ANK2: variants seen among roughly 807,000 people sequenced by gnomAD.
ANK2 encodes the protein ankyrin-2.
A neutral mutation model predicts 360.5 loss-of-function variants in ANK2; 83 were observed. The ratio of observed to expected loss-of-function variants is 0.23; its 90% CI spans 0.19 to 0.28. The LOEUF (loss-of-function observed/expected upper bound fraction) is 0.28. Ranked by LOEUF, ANK2 falls within the 10% of genes least tolerant of loss-of-function variation. The pLI is 1.00. For missense variants in ANK2, 4,201 were observed against 4,795.7 expected (o/e 0.88, Z 3.66); for synonymous variants, 1,740 against 1,759.5 (o/e 0.99, Z 0.28).
intron 2 of ANK2, among the ~76,000 whole-genome samples, chr4:113,014,919 C>T (rs1014893362): frequency 8.1e-6 from 1 of 123,656 alleles, no homozygotes; most frequent in Non-Finnish European, 1.6e-5. Context: ...AGTGCAGTGG[C>T]GCGATCTCGG....
At chr4:112,735,336 T>TAAATA in the ANK2 span, among the ~76,000 whole-genome samples, 47,261 of 150,890 alleles carry the variant, frequency 0.31, 7,485 homozygotes, top group East Asian at 0.37. Flanking sequence ...GTTTCAAAAA[T>TAAATA]AAATAAAATA....
intron 1 of ANK2, among the ~76,000 whole-genome samples, chr4:112,838,594 C>A (rs1040032303): frequency 6.6e-6 from 1 of 152,162 alleles, no homozygotes; most frequent in African/African-American, 2.4e-5. Flanking sequence ...ATAGGCTGGG[C>A]GCATGGCTCA....
At chr4:113,250,762 C>CCCA (rs1554340300) in intron 10 of ANK2, among the ~76,000 whole-genome samples, 2 of 136,930 alleles carry the variant, frequency 1.5e-5, no homozygotes, top group South Asian at 5.5e-4. Context: ...ACCGCCCCCC[C>CCCA]CCCCGACAGA....
chr4:113,155,881 G>A (rs1291029482), intron 1 of ANK2, among the ~76,000 whole-genome samples: 1 of 152,102 alleles, frequency 6.6e-6, no homozygotes, highest in African/African-American at 2.4e-5. Context: ...CTTCAAAAAC[G>A]AAAAAGGCAA....
intron 1 of ANK2, among the ~76,000 whole-genome samples, chr4:113,068,982 G>C (rs1397876716): frequency 1.3e-5 from 2 of 152,144 alleles, no homozygotes; most frequent in Non-Finnish European, 2.9e-5. Context: ...AGGATTGCTT[G>C]AGCCTGGGAG....
chr4:113,141,215 C>T (rs1490857799), intron 1 of ANK2: 4 of 152,142 alleles, frequency 2.6e-5, no homozygotes, highest in African/African-American at 7.2e-5. Context: ...AAATGGTCCT[C>T]ACCTTGAAAA....
intron 24 of ANK2, among the ~76,000 whole-genome samples, chr4:113,315,101 G>A (rs1048204507): frequency 4.6e-5 from 7 of 151,622 alleles, no homozygotes; most frequent in Admixed American, 1.3e-4. Flanking sequence ...CTTTCCTGTT[G>A]GGGTTTTAGG....
At chr4:112,947,172 C>T (rs566192440) in intron 2 of ANK2, among the ~76,000 whole-genome samples, 1 of 152,126 alleles carries the variant, frequency 6.6e-6, no homozygotes, top group Non-Finnish European at 1.5e-5. Flanking sequence ...CCCCATTATT[C>T]TTAATGTTAT....
intron 15 of ANK2, 87 bp from the exon 16 acceptor site, chr4:113,277,750 C>A (rs1259044085): frequency 4.8e-6 from 5 of 1,047,062 alleles, no homozygotes; most frequent in Non-Finnish European, 7.4e-6. Flanking sequence ...AATCAGTATA[C>A]TTTGCTCAAT....
chr4:112,799,293 C>T, the ANK2 span, among the ~76,000 whole-genome samples: 1 of 152,098 alleles, frequency 6.6e-6, no homozygotes, highest in African/African-American at 2.4e-5. Context: ...GGTACACAGA[C>T]ACCTGTTCGA....
intron 1 of ANK2, among the ~76,000 whole-genome samples, chr4:113,100,552 G>A (rs1004620959): frequency 6.6e-6 from 1 of 152,124 alleles, no homozygotes; most frequent in African/African-American, 2.4e-5. Context: ...ACAGCCACTT[G>A]GGAAATCAAC....
rs774268252 is a variant in ANK2 at position 113,356,995 on chromosome 4, C to T, written c.8377C>T (p.Leu2793=). ...SSSAAPVSSG[L]QSPTGDDVDE... is the part of the protein sequence containing the mutation. ...CTCAGCTGCTCCTGTCTCTTCAGGT[C>T]TACAGAGTCCGACTGGTGATGATGT... The change falls in exon 38 of 46, where the codon CTA becomes TTA. Residue 2793 remains leucine (L), a synonymous_variant. Transcript: ENST00000357077. 1.2e-6 allele frequency: 2 copies of T among 1,614,006 alleles called. No individual in the cohort carries two copies. The highest frequency in any genetic ancestry group is 1.1e-5 in the South Asian group (1 of 91,082).
chr4:113,269,131 C>T (rs919249653), intron 14 of ANK2, among the ~76,000 whole-genome samples: 1 of 152,182 alleles, frequency 6.6e-6, no homozygotes, highest in Admixed American at 6.5e-5. Context: ...CCCCCTACCA[C>T]GCTGGAGCCT....
chr4:112,722,389 G>A, the ANK2 span, among the ~76,000 whole-genome samples: 2 of 152,156 alleles, frequency 1.3e-5, no homozygotes, highest in African/African-American at 4.8e-5. Flanking sequence ...GTGCTCACGT[G>A]CACATATACA....
chr4:112,803,674 T>C, the ANK2 span, among the ~76,000 whole-genome samples: 5 of 152,170 alleles, frequency 3.3e-5, no homozygotes, highest in African/African-American at 1.2e-4. Flanking sequence ...GCATGGAACA[T>C]ACATACACTA....
chr4:113,347,992 A>G, intron 35 of ANK2: 1 of 449,152 alleles, frequency 2.2e-6, no homozygotes, highest in Non-Finnish European at 4.1e-6. Flanking sequence ...AGTTCATTTA[A>G]GGTCAAACTT....
At chr4:113,192,924 T>TAA (rs373250773) in intron 2 of ANK2, among the ~76,000 whole-genome samples, 1,574 of 136,732 alleles carry the variant, frequency 0.012, 15 homozygotes, top group Non-Finnish European at 0.014. Flanking sequence ...TTGCATTATT[T>TAA]AAAAAAAAAA....
chr4:112,892,678 G>A (rs765874719), intron 1 of ANK2, among the ~76,000 whole-genome samples: 6 of 152,158 alleles, frequency 3.9e-5, no homozygotes, highest in African/African-American at 1.4e-4. Flanking sequence ...AGAAAATAGC[G>A]TGTTTCATAT....
intron 1 of ANK2, among the ~76,000 whole-genome samples, chr4:112,842,926 T>C (rs2062455908): frequency 6.6e-6 from 1 of 152,272 alleles, no homozygotes; most frequent in Non-Finnish European, 1.5e-5. Context: ...GTGGGCTCTC[T>C]GAAGGCTCTA....
Sources: gnomAD v4.1 joint callset for allele counts (sites outside exome capture counted in the v4.1 genomes callset) on GRCh38, gnomAD v4.1.1 for gene constraint, MANE v1.5 for transcripts, NCBI Gene and HGNC (gene_info 2026-07-23, HGNC 2026-07-21) for gene names.